The following KCNH8 variants were observed in gnomAD, a reference collection of about 807,000 sequenced individuals.
KCNH8 encodes voltage-gated delayed rectifier potassium channel KCNH8.
A neutral mutation model predicts 103.6 loss-of-function variants in KCNH8; 70 were observed. That is an observed-to-expected ratio of 0.68 (90% CI 0.56 to 0.82). The LOEUF (loss-of-function observed/expected upper bound fraction) is 0.82. Among genes scored for constraint, KCNH8 ranks in the 40% least tolerant of loss-of-function variants. The probability of loss-of-function intolerance (pLI) is 0.00; values close to 1 mark genes in which losing one functional copy is unlikely to be tolerated. For synonymous variants in KCNH8, 498 were observed against 489.4 expected, an observed-to-expected ratio of 1.02 and a Z score of -0.23; for missense variants, 1,217 against 1,329.9, an observed-to-expected ratio of 0.92 and a Z score of 1.32.
In KCNH8 at chr3:19,287,863, C is replaced by T. The variant is rs147578733; in HGVS notation, c.442+6534C>T. ...CCTCCTGAAGTGTTAGGATTACAGG[C>T]GTAAGCCACCATGCCCAGCCCCACA... On this transcript the variant is annotated intron_variant, in intron 3 of 15. Coordinates refer to ENST00000328405, the MANE Select transcript of KCNH8 (RefSeq NM_144633.3). Among the ~76,000 whole-genome samples the T allele has an allele frequency of 2.5e-3, 379 of 152,252 alleles. 2 individuals carry two copies. The highest frequency in any genetic ancestry group is 8.0e-3 in the Admixed American group (123 of 15,290).
chr3:19,476,625 T>G (rs1462665685), intron 11 of KCNH8, among the ~76,000 whole-genome samples: 2 of 152,166 alleles, frequency 1.3e-5, no homozygotes, highest in Non-Finnish European at 2.9e-5. Context: ...CAGATTACCC[T>G]GCTGAATTCC....
intron 11 of KCNH8, 23 bp from the exon 12 acceptor site, chr3:19,510,340 A>T: frequency 6.8e-7 from 1 of 1,476,456 alleles, no homozygotes; most frequent in Non-Finnish European, 9.5e-7. Flanking sequence ...TAAAATGATT[A>T]ATACTTCTGT....
At chr3:19,250,131 A>G (rs1414622530) in intron 1 of KCNH8, among the ~76,000 whole-genome samples, 1 of 152,046 alleles carries the variant, frequency 6.6e-6, no homozygotes, top group Non-Finnish European at 1.5e-5. Context: ...TCTGTGTGGT[A>G]GTGTGTGCCT....
intron 1 of KCNH8, among the ~76,000 whole-genome samples, chr3:19,218,123 T>A (rs1326436277): frequency 6.6e-6 from 1 of 152,214 alleles, no homozygotes; most frequent in Non-Finnish European, 1.5e-5. Context: ...TCAGCACAAA[T>A]AGAAGACCTA....
At position 19,283,558 on chromosome 3, in the gene KCNH8, T is replaced by C. The variant is rs1188858009; in HGVS notation, c.442+2229T>C. Among the ~76,000 whole-genome samples the C allele has an allele frequency of 2.6e-5, 4 of 152,122 alleles. No homozygotes were observed. The East Asian group carries it at 7.7e-4, about 29-fold the overall frequency. ...TACTGAACACTCAAGAACAGTTTTT[T>C]CTATTGCTACCTTATTATAAATGTC... On this transcript the variant is annotated intron_variant, in intron 3 of 15. Transcript: ENST00000328405.
intron 1 of KCNH8, among the ~76,000 whole-genome samples, chr3:19,252,452 C>G (rs751220308): frequency 1.3e-5 from 2 of 151,174 alleles, no homozygotes; most frequent in African/African-American, 4.9e-5. Context: ...TGCAGTGGTG[C>G]GATCTTGACT....
chr3:19,308,227 A>G (rs1164024926), intron 3 of KCNH8, among the ~76,000 whole-genome samples: 2 of 151,826 alleles, frequency 1.3e-5, no homozygotes, highest in African/African-American at 4.8e-5. Flanking sequence ...TAGAAGGTCT[A>G]GCTGCTAAAG....
At chr3:19,508,734 C>T (rs2068736916) in intron 11 of KCNH8, among the ~76,000 whole-genome samples, 2 of 152,152 alleles carry the variant, frequency 1.3e-5, no homozygotes, top group Admixed American at 6.5e-5. Flanking sequence ...CACCTCAGAC[C>T]TCCCATGTCA....
intron 3 of KCNH8, among the ~76,000 whole-genome samples, chr3:19,287,913 C>G (rs1253728290): frequency 1.3e-5 from 2 of 152,074 alleles, no homozygotes; most frequent in South Asian, 2.1e-4. Context: ...TACCATTTCA[C>G]CTTCTAACTT....
intron 1 of KCNH8, among the ~76,000 whole-genome samples, chr3:19,149,713 T>A (rs1490937292): frequency 6.6e-6 from 1 of 152,176 alleles, no homozygotes; most frequent in Non-Finnish European, 1.5e-5. Flanking sequence ...TCTCAGTTGG[T>A]TTCACTACGA....
intron 15 of KCNH8, among the ~76,000 whole-genome samples, chr3:19,518,637 C>T (rs1021271125): frequency 9.9e-5 from 15 of 152,034 alleles, no homozygotes; most frequent in African/African-American, 3.6e-4. Context: ...CCAATACAAT[C>T]CAGTGAGTTT....
At chr3:19,185,537 T>C (rs2063493680) in intron 1 of KCNH8, among the ~76,000 whole-genome samples, 1 of 151,942 alleles carries the variant, frequency 6.6e-6, no homozygotes, top group Non-Finnish European at 1.5e-5. Context: ...AGGATTTGCG[T>C]ATATTTTCTT....
chr3:19,474,769 A>AT (rs2067936595), intron 11 of KCNH8, among the ~76,000 whole-genome samples: 1 of 152,202 alleles, frequency 6.6e-6, no homozygotes, highest in Admixed American at 6.5e-5. Context: ...ATGATGACTG[A>AT]TTCGTGTGAC....
At chr3:19,276,651 A>G (rs926976061) in intron 2 of KCNH8, among the ~76,000 whole-genome samples, 1 of 152,130 alleles carries the variant, frequency 6.6e-6, no homozygotes. Context: ...CCATGAACCC[A>G]TACTAGAAAC....
At chr3:19,526,767 C>T (rs947378097) in intron 15 of KCNH8, among the ~76,000 whole-genome samples, 1 of 151,960 alleles carries the variant, frequency 6.6e-6, no homozygotes, top group Non-Finnish European at 1.5e-5. Flanking sequence ...GATATACTGA[C>T]ACTTCTTTAT....
intron 10 of KCNH8, among the ~76,000 whole-genome samples, chr3:19,452,198 A>G (rs2067459014): frequency 6.6e-6 from 1 of 152,100 alleles, no homozygotes; most frequent in South Asian, 2.1e-4. Context: ...AGCCTGGGCA[A>G]CATGGACAGA....
intron 7 of KCNH8, among the ~76,000 whole-genome samples, chr3:19,406,958 A>G (rs1011364641): frequency 3.9e-5 from 6 of 152,338 alleles, no homozygotes; most frequent in African/African-American, 1.4e-4. Context: ...AGAGGGGAAC[A>G]ACAGCTCTTT....
chr3:19,231,342 T>G (rs902896278), intron 1 of KCNH8, among the ~76,000 whole-genome samples: 17 of 152,296 alleles, frequency 1.1e-4, no homozygotes, highest in Admixed American at 9.8e-4. Context: ...GTCCTTATTG[T>G]GCATAATGCT....
intron 2 of KCNH8, among the ~76,000 whole-genome samples, chr3:19,278,473 G>C: frequency 8.8e-6 from 1 of 113,280 alleles, no homozygotes; most frequent in South Asian, 3.3e-4. Context: ...AAAGGGAAGG[G>C]AAGGAAGGAA....
Sources: allele counts gnomAD v4.1 joint callset (sites outside exome capture counted in the v4.1 genomes callset), GRCh38; gene constraint gnomAD v4.1.1; transcripts MANE v1.5; gene names NCBI Gene and HGNC (gene_info 2026-07-23, HGNC 2026-07-21).